The following PRKD1 variants were observed in gnomAD, a reference collection of about 807,000 sequenced individuals.
PRKD1 encodes the protein serine/threonine-protein kinase D1.
Under a neutral mutation model 95.9 loss-of-function variants are expected in PRKD1, and 63 were observed. The ratio of observed to expected loss-of-function variants is 0.66; its 90% CI spans 0.54 to 0.81. The LOEUF (loss-of-function observed/expected upper bound fraction) is 0.81. Ranked by LOEUF, PRKD1 falls within the 30% of genes least tolerant of loss-of-function variation. The pLI, the probability that PRKD1 is intolerant of heterozygous loss-of-function variation, is 0.00. For synonymous variants in PRKD1, 425 were observed against 423.1 expected, an observed-to-expected ratio of 1.00 and a Z score of -0.05; for missense variants, 1,048 against 1,165.3, an observed-to-expected ratio of 0.90 and a Z score of 1.47.
At position 29,752,093 on chromosome 14, in the gene PRKD1, T is replaced by G. The variant is rs2139462393; in HGVS notation, c.265-26419A>C. 2.0e-5 allele frequency among the ~76,000 whole-genome samples: 3 copies of G among 152,312 alleles called. 1 individual carries two copies. In the South Asian group the frequency reaches 6.2e-4, roughly 32 times the overall value. On this transcript the variant is annotated intron_variant, in intron 1 of 17. Transcript: ENST00000331968. ...ATAGTGATGTCAGAACTACACTAAT[T>G]GATACTTGCAATCATAGGTTACCTA...
At chr14:29,909,595 T>C (rs1052889772) in intron 1 of PRKD1, among the ~76,000 whole-genome samples, 1 of 152,128 alleles carries the variant, frequency 6.6e-6, no homozygotes, top group Non-Finnish European at 1.5e-5. Context: ...TGTATCTGGC[T>C]AATCTGGTGG....
intron 1 of PRKD1, among the ~76,000 whole-genome samples, chr14:29,752,161 A>G (rs1887505415): frequency 6.6e-6 from 1 of 152,238 alleles, no homozygotes; most frequent in South Asian, 2.1e-4. Flanking sequence ...AGATATATTT[A>G]GCTATACAGA....
intron 10 of PRKD1, 35 bp downstream of exon 10, chr14:29,630,707 G>A: frequency 1.2e-6 from 2 of 1,613,350 alleles, no homozygotes; most frequent in East Asian, 2.2e-5. Context: ...GGCACATGAT[G>A]AGCTTTGGGC....
chr14:29,804,644 T>C (rs1890165463), intron 1 of PRKD1, among the ~76,000 whole-genome samples: 1 of 151,076 alleles, frequency 6.6e-6, no homozygotes, highest in East Asian at 1.9e-4. Context: ...AGTAACAAAG[T>C]GAACAGTTAA....
chr14:29,673,246 G>A (rs1882968477), intron 2 of PRKD1, among the ~76,000 whole-genome samples: 1 of 152,198 alleles, frequency 6.6e-6, no homozygotes, highest in Admixed American at 6.5e-5. Flanking sequence ...GAGCCTTTAT[G>A]TAGTAAAGGA....
chr14:29,731,009 C>T (rs888144499), intron 1 of PRKD1, among the ~76,000 whole-genome samples: 15 of 151,766 alleles, frequency 9.9e-5, no homozygotes, highest in Admixed American at 3.3e-4. Context: ...TTTAAGTGTA[C>T]TTACCACAAA....
intron 1 of PRKD1, among the ~76,000 whole-genome samples, chr14:29,735,346 T>C (rs1594470624): frequency 6.6e-6 from 1 of 152,320 alleles, no homozygotes; most frequent in Non-Finnish European, 1.5e-5. Context: ...TTAACAGTTA[T>C]AAGGTTGTCC....
intron 1 of PRKD1, among the ~76,000 whole-genome samples, chr14:29,832,968 C>T (rs1195180416): frequency 2.6e-5 from 4 of 151,586 alleles, no homozygotes; most frequent in Non-Finnish European, 4.4e-5. Context: ...TTTTTATTAC[C>T]GAGGTAACCT....
chr14:29,602,818 G>A (rs1893570750), intron 13 of PRKD1, among the ~76,000 whole-genome samples: 2 of 152,174 alleles, frequency 1.3e-5, no homozygotes, highest in Non-Finnish European at 2.9e-5. Flanking sequence ...CCCCTGTACA[G>A]AGGGTAGAAC....
intron 1 of PRKD1, among the ~76,000 whole-genome samples, chr14:29,741,354 G>A (rs1161114620): frequency 6.6e-6 from 1 of 151,980 alleles, no homozygotes; most frequent in Non-Finnish European, 1.5e-5. Context: ...TATTTTACAC[G>A]TTTAGGTATA....
At chr14:29,839,207 A>G (rs1274438661) in intron 1 of PRKD1, among the ~76,000 whole-genome samples, 1 of 152,232 alleles carries the variant, frequency 6.6e-6, no homozygotes, top group Non-Finnish European at 1.5e-5. Context: ...CTGAAAAATT[A>G]AAGTTGACTA....
At chr14:29,616,382 T>G (rs377041737) in intron 13 of PRKD1, among the ~76,000 whole-genome samples, 3 of 151,668 alleles carry the variant, frequency 2.0e-5, no homozygotes, top group Admixed American at 6.6e-5. Flanking sequence ...TGGGAGAGAT[T>G]TGACTATAGC....
chr14:29,701,715 C>A (rs1884852592), intron 2 of PRKD1, among the ~76,000 whole-genome samples: 1 of 152,070 alleles, frequency 6.6e-6, no homozygotes, highest in Admixed American at 6.6e-5. Context: ...ATGCTTCCAG[C>A]AATTGAACTT....
intron 1 of PRKD1, among the ~76,000 whole-genome samples, chr14:29,900,370 A>T (rs573895190): frequency 4.6e-5 from 7 of 152,192 alleles, no homozygotes; most frequent in Non-Finnish European, 8.8e-5. Context: ...TGTTCATTTA[A>T]ATCTCTTGGC....
At chr14:29,599,627 AT>A in intron 14 of PRKD1, 28 bp downstream of exon 14, 2 of 1,585,216 alleles carry the variant, frequency 1.3e-6, no homozygotes, top group African/African-American at 1.4e-5. Flanking sequence ...TAAATATTGT[AT>A]TTTTTCCGTC....
At position 29,597,676 on chromosome 14, in the gene PRKD1, A is replaced by AT; in HGVS notation, c.2248_2249insA (p.Leu750HisfsTer4). 6.2e-7 allele frequency: 1 copy of AT among 1,614,080 alleles called. No homozygotes were observed. ...CTTGTTCCTTAGGACCTCAGGAGCC[A>AT]GGTAAGCGGGGGTACCCACCACTGA... On this transcript the variant is annotated frameshift_variant, in exon 16 of 18. Transcript: ENST00000331968. LOFTEE classifies it high-confidence loss of function.
chr14:29,890,525 A>G (rs930677027), intron 1 of PRKD1, among the ~76,000 whole-genome samples: 1 of 152,232 alleles, frequency 6.6e-6, no homozygotes, highest in Non-Finnish European at 1.5e-5. Context: ...AGATACATAG[A>G]TAGACGGAAC....
intron 1 of PRKD1, among the ~76,000 whole-genome samples, chr14:29,745,907 G>C (rs1051654261): frequency 2.0e-5 from 3 of 152,162 alleles, no homozygotes; most frequent in Non-Finnish European, 4.4e-5. Flanking sequence ...GGTTTGAACA[G>C]ATTATCTCTC....
At chr14:29,760,882 G>T (rs566019794) in intron 1 of PRKD1, among the ~76,000 whole-genome samples, 8 of 152,216 alleles carry the variant, frequency 5.3e-5, no homozygotes, top group Non-Finnish European at 1.0e-4. Flanking sequence ...TATCCTAATA[G>T]AATTGATCAT....
Sources: gnomAD v4.1 joint callset for allele counts (sites outside exome capture counted in the v4.1 genomes callset) on GRCh38, gnomAD v4.1.1 for gene constraint, MANE v1.5 for transcripts, NCBI Gene and HGNC (gene_info 2026-07-23, HGNC 2026-07-21) for gene names.